CSMD3: variants seen among roughly 807,000 people sequenced by gnomAD.
The protein encoded by CSMD3 is CUB and Sushi multiple domains 3, also known as CUB and sushi domain-containing protein 3.
In CSMD3, 177 loss-of-function variants were observed where a neutral mutation model predicts 435.2. That is an observed-to-expected ratio of 0.41 (90% CI 0.36 to 0.46). The LOEUF (loss-of-function observed/expected upper bound fraction) is 0.46. Among genes scored for constraint, CSMD3 ranks in the 20% least tolerant of loss-of-function variants. The pLI is 0.34. For missense variants in CSMD3, 4,265 were observed against 4,504.6 expected (o/e 0.95, Z 1.52); for synonymous variants, 1,656 against 1,520.5 (o/e 1.09, Z -2.07).
chr8:112,413,660 G>A (rs1271029754), intron 32 of CSMD3, among the ~76,000 whole-genome samples: 4 of 152,200 alleles, frequency 2.6e-5, no homozygotes, highest in Non-Finnish European at 5.9e-5. Context: ...ATGGGTTAGT[G>A]CTCACAGGGG....
intron 68 of CSMD3, 33 bp from the exon 69 acceptor site, chr8:112,231,665 A>G (rs1813098192): frequency 1.7e-6 from 2 of 1,162,576 alleles, no homozygotes; most frequent in Non-Finnish European, 2.6e-6. Flanking sequence ...ATATACTTGA[A>G]TACTGGCCAT....
chr8:113,027,345 A>G (rs1366430197), intron 5 of CSMD3, among the ~76,000 whole-genome samples: 2 of 151,450 alleles, frequency 1.3e-5, no homozygotes, highest in Non-Finnish European at 2.9e-5. Context: ...TCAAAAAAAT[A>G]AAAAAAACTT....
intron 13 of CSMD3, among the ~76,000 whole-genome samples, chr8:112,692,096 C>T (rs1412466352): frequency 6.6e-6 from 1 of 152,052 alleles, no homozygotes. Context: ...AGCCACTGCG[C>T]CCGGCAAATT....
intron 51 of CSMD3, among the ~76,000 whole-genome samples, chr8:112,305,639 T>C (rs1821348929): frequency 6.6e-6 from 1 of 152,168 alleles, no homozygotes; most frequent in South Asian, 2.1e-4. Flanking sequence ...TTTATCCTTA[T>C]AAAATCAGAG....
chr8:112,414,323 T>C (rs757455353), intron 32 of CSMD3, among the ~76,000 whole-genome samples: 3 of 152,126 alleles, frequency 2.0e-5, no homozygotes, highest in Non-Finnish European at 4.4e-5. Context: ...GTTGTTCTCA[T>C]GATAGTGAAT....
chr8:112,969,600 A>G (rs1416573487), intron 7 of CSMD3, among the ~76,000 whole-genome samples: 3 of 152,006 alleles, frequency 2.0e-5, no homozygotes, highest in Non-Finnish European at 4.4e-5. Context: ...CATAACATAT[A>G]TTTATTTAAT....
intron 30 of CSMD3, among the ~76,000 whole-genome samples, chr8:112,501,011 TG>T (rs1304824167): frequency 6.6e-6 from 1 of 152,092 alleles, no homozygotes; most frequent in Non-Finnish European, 1.5e-5. Context: ...TCCTCAAGCC[TG>T]CCTATAAAAT....
intron 17 of CSMD3, among the ~76,000 whole-genome samples, chr8:112,658,160 C>T (rs1030883325): frequency 3.3e-5 from 5 of 152,138 alleles, no homozygotes; most frequent in Non-Finnish European, 7.4e-5. Flanking sequence ...AGTTTCAGTA[C>T]TTTATTTCTC....
intron 1 of CSMD3, among the ~76,000 whole-genome samples, chr8:113,384,284 A>G (rs1264860627): frequency 1.3e-5 from 2 of 152,170 alleles, no homozygotes; most frequent in African/African-American, 4.8e-5. Context: ...TGACATTTGG[A>G]GGGCACTCAA....
intron 4 of CSMD3, among the ~76,000 whole-genome samples, chr8:113,158,377 G>A (rs1410857504): frequency 6.6e-6 from 1 of 151,910 alleles, no homozygotes; most frequent in Non-Finnish European, 1.5e-5. Flanking sequence ...TGAAGTACAT[G>A]TATCATAAGG....
At chr8:112,261,850 A>C (rs549480898) in intron 61 of CSMD3, among the ~76,000 whole-genome samples, 1 of 151,968 alleles carries the variant, frequency 6.6e-6, no homozygotes, top group East Asian at 1.9e-4. Flanking sequence ...CAATCTCCTG[A>C]GAGGAAATAG....
chr8:112,535,205 CAATTAGG>C (rs1480925045), intron 27 of CSMD3, among the ~76,000 whole-genome samples: 1 of 151,382 alleles, frequency 6.6e-6, no homozygotes, highest in Non-Finnish European at 1.5e-5. Context: ...AAAGGGTATT[CAATTAGG>C]AAAAGAGGAA....
rs900074573 is a variant in CSMD3, at chr8:112,906,566, C to T, written c.1633+15061G>A. Among the ~76,000 whole-genome samples the T allele has an allele frequency of 2.0e-5, 3 of 151,438 alleles. No individual in the cohort carries two copies. The East Asian group carries it at 5.9e-4, about 30-fold the overall frequency. On this transcript the variant is annotated intron_variant, in intron 10 of 70. Coordinates refer to ENST00000297405, the MANE Select transcript of CSMD3 (RefSeq NM_198123.2). The stretch of plus-strand genomic sequence containing the variant: ...TGTCAACAACTAGGGATAAGCATCA[C>T]TTAAGGTTTGGGCCAGTGCAATAAG...
chr8:113,016,071 A>G (rs914482028), intron 6 of CSMD3, among the ~76,000 whole-genome samples: 1 of 151,868 alleles, frequency 6.6e-6, no homozygotes, highest in Non-Finnish European at 1.5e-5. Flanking sequence ...TAAAAACTAA[A>G]TAACTTTTTT....
intron 35 of CSMD3, among the ~76,000 whole-genome samples, chr8:112,397,344 C>G (rs868399508): frequency 2.0e-5 from 3 of 152,230 alleles, no homozygotes; most frequent in Middle Eastern, 3.4e-3. Flanking sequence ...TGGATTTACA[C>G]CTGTTCCACA....
At chr8:112,258,636 G>A (rs564005761) in intron 61 of CSMD3, among the ~76,000 whole-genome samples, 33 of 152,178 alleles carry the variant, frequency 2.2e-4, no homozygotes, top group South Asian at 6.2e-4. Context: ...AATAGATGCC[G>A]GAGAGGATGT....
At chr8:112,986,212 A>G (rs2085249255) in intron 6 of CSMD3, among the ~76,000 whole-genome samples, 1 of 152,178 alleles carries the variant, frequency 6.6e-6, no homozygotes, top group African/African-American at 2.4e-5. Flanking sequence ...GTATAACTAT[A>G]TCCTGTATAA....
At position 112,224,099 on chromosome 8, in the gene CSMD3, A is replaced by G. The variant is rs1812368948; in HGVS notation, c.*672T>C. The stretch of plus-strand genomic sequence containing the variant: ...ATAATGGGGGAATTGGGAGGGTAGC[A>G]CAATGAACTTGCCCTTTGCAGAAAC... On this transcript the variant is annotated 3_prime_UTR_variant, in exon 71 of 71. Coordinates refer to ENST00000297405, the MANE Select transcript of CSMD3 (RefSeq NM_198123.2). 1 of 153,438 alleles carries G rather than the reference A, an allele frequency of 6.5e-6. No homozygotes were observed. The highest frequency in any genetic ancestry group is 2.0e-4 in the South Asian group (1 of 4,920). 9.5% of individuals were successfully genotyped at this position (153,438 alleles called of 1,614,324 possible). A position where few individuals can be genotyped will look rare whatever the true frequency, so the allele number is the denominator to read the frequency against.
At chr8:113,081,920 C>G (rs968861463) in intron 5 of CSMD3, among the ~76,000 whole-genome samples, 1 of 152,156 alleles carries the variant, frequency 6.6e-6, no homozygotes, top group Non-Finnish European at 1.5e-5. Flanking sequence ...GCCACGTACC[C>G]GGACCTGCAG....
Sources: gnomAD v4.1 joint callset for allele counts (sites outside exome capture counted in the v4.1 genomes callset) on GRCh38, gnomAD v4.1.1 for gene constraint, MANE v1.5 for transcripts, NCBI Gene and HGNC (gene_info 2026-07-23, HGNC 2026-07-21) for gene names.